GFOD1: variants seen among roughly 807,000 people sequenced by gnomAD.
GFOD1 encodes the protein glucose-fructose oxidoreductase domain-containing protein 1.
In GFOD1, 9 loss-of-function variants were observed where a neutral mutation model predicts 25.4. That is an observed-to-expected ratio of 0.35 (90% confidence interval 0.21 to 0.62). The LOEUF (loss-of-function observed/expected upper bound fraction) is 0.62, where lower values mean the gene tolerates loss of function less well. Among genes scored for constraint, GFOD1 ranks in the 20% least tolerant of loss-of-function variants. The probability of loss-of-function intolerance (pLI) is 0.72; values close to 1 mark genes in which losing one functional copy is unlikely to be tolerated. For synonymous variants in GFOD1, 253 were observed against 245.6 expected, an observed-to-expected ratio of 1.03 and a Z score of -0.28; for missense variants, 403 against 556.9, an observed-to-expected ratio of 0.72 and a Z score of 2.78.
At chr6:13,459,229 C>T (rs1214990886) in intron 1 of GFOD1, among the ~76,000 whole-genome samples, 1 of 152,038 alleles carries the variant, frequency 6.6e-6, no homozygotes, top group Non-Finnish European at 1.5e-5. Flanking sequence ...TAATCTTCGA[C>T]AAACCTGACA....
rs1347617512 is a variant in GFOD1 at position 13,360,199 on chromosome 6, G to A, written c.*4544C>T. 1 of 162,110 alleles carries A rather than the reference G, an allele frequency of 6.2e-6. No individual in the cohort carries two copies. The highest frequency in any genetic ancestry group is 5.9e-5 in the Admixed American group (1 of 16,996). The allele number at this position is 162,110 out of a possible 1,614,324, so 10.0% of individuals were successfully genotyped here. On this transcript the variant is annotated 3_prime_UTR_variant, in exon 2 of 2. Coordinates refer to ENST00000379287, the MANE Select transcript of GFOD1 (RefSeq NM_018988.4). ...TGGGTGGCCTTGACCATCACTCTCT[G>A]TTATGTAAAACAAAAGGACGGCTAT...
chr6:13,463,221 C>T (rs888411825), intron 1 of GFOD1, among the ~76,000 whole-genome samples: 4 of 152,244 alleles, frequency 2.6e-5, no homozygotes, highest in Admixed American at 6.5e-5. Context: ...GCTGGCAGCC[C>T]CTGGGGAGAT....
At chr6:13,435,885 G>A (rs1187825940) in intron 1 of GFOD1, among the ~76,000 whole-genome samples, 1 of 152,138 alleles carries the variant, frequency 6.6e-6, no homozygotes, top group Non-Finnish European at 1.5e-5. Flanking sequence ...TAGGAGTGAT[G>A]GTCAAAGGAG....
rs796871941 is a variant in GFOD1, at chr6:13,381,919, A to G, written c.254-16257T>C. ...ATAAAACACACACGCGCGCGCGCAC[A>G]CACACACACACACACACACACACAC... On this transcript the variant is annotated intron_variant, in intron 1 of 1. Transcript: ENST00000379287. Among the ~76,000 whole-genome samples, 89 of 66,526 alleles carry G rather than the reference A, an allele frequency of 1.3e-3. 1 individual carries two copies. The highest frequency in any genetic ancestry group is 8.6e-3 in the Middle Eastern group (1 of 116). The allele number at this position is 66,526 out of a possible 152,430, so 43.6% of individuals were successfully genotyped here.
At chr6:13,456,068 G>A (rs1402774415) in intron 1 of GFOD1, among the ~76,000 whole-genome samples, 16 of 152,232 alleles carry the variant, frequency 1.1e-4, no homozygotes, top group Admixed American at 1.0e-3. Flanking sequence ...GGTCTCAGAG[G>A]TGGGTTTTAA....
chr6:13,376,986 A>G (rs1304028556), intron 1 of GFOD1, among the ~76,000 whole-genome samples: 1 of 151,988 alleles, frequency 6.6e-6, no homozygotes, highest in Non-Finnish European at 1.5e-5. Context: ...GCTTTAGTGA[A>G]GGGATCACAA....
chr6:13,486,556 G>A, intron 1 of GFOD1, 82 bp downstream of exon 1: 1 of 1,169,442 alleles, frequency 8.6e-7, no homozygotes, highest in East Asian at 2.4e-5. Context: ...GGGATGCGGA[G>A]AGGGAAAGGC....
intron 1 of GFOD1, among the ~76,000 whole-genome samples, chr6:13,368,009 AC>A (rs1785080157): frequency 6.6e-6 from 1 of 152,202 alleles, no homozygotes; most frequent in Admixed American, 6.5e-5. Context: ...CACTCAATTG[AC>A]AAAATCCACG....
At chr6:13,398,306 C>T (rs1309156472) in intron 1 of GFOD1, among the ~76,000 whole-genome samples, 2 of 145,072 alleles carry the variant, frequency 1.4e-5, no homozygotes, top group Non-Finnish European at 3.1e-5. Flanking sequence ...GGATCTGTTA[C>T]GAGGCTCACT....
intron 1 of GFOD1, among the ~76,000 whole-genome samples, chr6:13,455,244 C>T (rs901518285): frequency 2.0e-5 from 3 of 152,096 alleles, no homozygotes; most frequent in Non-Finnish European, 4.4e-5. Context: ...GGTTTCTGAC[C>T]CAACCCGAAC....
intron 1 of GFOD1, among the ~76,000 whole-genome samples, chr6:13,438,563 TATATTA>T (rs1202017836): frequency 3.3e-5 from 5 of 152,100 alleles, no homozygotes; most frequent in Non-Finnish European, 7.4e-5. Context: ...CAATTAGTAA[TATATTA>T]ATATTAATAT....
intron 1 of GFOD1, among the ~76,000 whole-genome samples, chr6:13,413,451 G>A (rs1236283247): frequency 6.6e-6 from 1 of 152,166 alleles, no homozygotes; most frequent in Non-Finnish European, 1.5e-5. Flanking sequence ...CAAAAGAAGA[G>A]GTCCGATCCA....
intron 1 of GFOD1, among the ~76,000 whole-genome samples, chr6:13,390,572 A>T (rs756609334): frequency 2.0e-4 from 31 of 152,022 alleles, no homozygotes; most frequent in Non-Finnish European, 2.2e-4. Context: ...CCAAAAAATT[A>T]AAAAATTAGC....
At chr6:13,453,481 AT>A (rs1758134342) in intron 1 of GFOD1, among the ~76,000 whole-genome samples, 1 of 152,274 alleles carries the variant, frequency 6.6e-6, no homozygotes, top group South Asian at 2.1e-4. Flanking sequence ...ATAGTTGCAG[AT>A]TTCCTAGAGT....
chr6:13,388,399 T>G (rs541007701), intron 1 of GFOD1, among the ~76,000 whole-genome samples: 15 of 152,350 alleles, frequency 9.8e-5, no homozygotes, highest in African/African-American at 3.6e-4. Context: ...AGCATGGTAT[T>G]GGTACCAAAA....
intron 1 of GFOD1, among the ~76,000 whole-genome samples, chr6:13,389,935 A>C (rs1164694892): frequency 6.6e-6 from 1 of 151,928 alleles, no homozygotes; most frequent in Non-Finnish European, 1.5e-5. Context: ...GACCCCCTGC[A>C]TTTCCTCTGC....
rs1385595144 is a variant in GFOD1 at position 13,365,303 on chromosome 6, G to C, written c.613C>G (p.Gln205Glu). 3.1e-6 allele frequency: 5 copies of C among 1,614,212 alleles called. No homozygotes were observed. The highest frequency in any genetic ancestry group is 4.2e-6 in the Non-Finnish European group (5 of 1,180,028). The change falls in exon 2 of 2, where the codon CAG becomes GAG. Residue 205 changes from glutamine to glutamate, a missense_variant. By Grantham distance (29) the Gln-to-Glu change is conservative. Transcript: ENST00000379287. This position sits in a 1 kb window ranked among gnomAD's most constrained non-coding sequence, Gnocchi z 9.2. ...CGGATGCCCTTGATGTGGTCAGTCT[G>C]CTTCACGAAGGTCTTGAGCAGCCCG... ...VHGLLKTFVK[Q>E]TDHIKGIRQI...
intron 1 of GFOD1, among the ~76,000 whole-genome samples, chr6:13,445,017 A>G (rs778621620): frequency 3.3e-5 from 5 of 152,238 alleles, no homozygotes; most frequent in Non-Finnish European, 7.3e-5. Context: ...CTTCTAAAGG[A>G]AATTGATTGA....
Position 13,423,074 on chromosome 6 carries a change from C to A in GFOD1, c.254-57412G>T, listed in dbSNP as rs545218069. On this transcript the variant is annotated intron_variant, in intron 1 of 1. Transcript: ENST00000379287. ...TGCATGTCCGACGGTGGCAGAGACA[C>A]CCCCTTGCAGCTGGGTTACTGAACA... is the stretch of plus-strand genomic sequence containing the variant. 2.6e-5 allele frequency among the ~76,000 whole-genome samples: 4 copies of A among 152,254 alleles called. No individual in the cohort carries two copies. The South Asian group carries it at 8.3e-4, about 32-fold the overall frequency.
Sources: allele counts gnomAD v4.1 joint callset (sites outside exome capture counted in the v4.1 genomes callset), GRCh38; gene constraint gnomAD v4.1.1; non-coding constraint Gnocchi (gnomAD v3.1); transcripts MANE v1.5; gene names NCBI Gene and HGNC (gene_info 2026-07-23, HGNC 2026-07-21).